FUT9: variants seen among roughly 807,000 people sequenced by gnomAD.
FUT9 encodes the protein fucosyltransferase 9.
FUT9 carries 15 observed loss-of-function variants against 29.7 expected under a neutral mutation model. The ratio of observed to expected loss-of-function variants is 0.51; its 90% CI spans 0.34 to 0.78. The LOEUF (loss-of-function observed/expected upper bound fraction) is 0.78, where lower values mean the gene tolerates loss of function less well. Among genes scored for constraint, FUT9 ranks in the 30% least tolerant of loss-of-function variants. The probability of loss-of-function intolerance (pLI) is 0.01; values close to 1 mark genes in which losing one functional copy is unlikely to be tolerated. For synonymous variants in FUT9, 169 were observed against 153.7 expected (o/e 1.10, Z -0.74); for missense variants, 319 against 425.4 (o/e 0.75, Z 2.20).
intron 2 of FUT9, among the ~76,000 whole-genome samples, chr6:96,176,979 T>G (rs1773215985): frequency 1.3e-5 from 2 of 152,110 alleles, no homozygotes; most frequent in African/African-American, 4.8e-5. Context: ...CCACCCATAC[T>G]ATACATAAAA....
At chr6:96,203,005 G>T (rs1003558960) in intron 2 of FUT9, 143 bp from the exon 3 acceptor site, 10 of 630,222 alleles carry the variant, frequency 1.6e-5, no homozygotes, top group Admixed American at 7.7e-5. Context: ...TCTCTCAATG[G>T]TTTGATAACA....
At chr6:96,193,627 T>C (rs1713272535) in intron 2 of FUT9, among the ~76,000 whole-genome samples, 1 of 152,012 alleles carries the variant, frequency 6.6e-6, no homozygotes, top group African/African-American at 2.4e-5. Flanking sequence ...AGTTCAACCG[T>C]TGTGGAAGAC....
At chr6:96,119,133 G>T (rs539837079) in intron 2 of FUT9, among the ~76,000 whole-genome samples, 6 of 152,104 alleles carry the variant, frequency 3.9e-5, no homozygotes, top group African/African-American at 1.4e-4. Flanking sequence ...AAAGTCTACC[G>T]TAGTGTACAG....
At chr6:96,197,447 T>C (rs1439099205) in intron 2 of FUT9, among the ~76,000 whole-genome samples, 1 of 144,228 alleles carries the variant, frequency 6.9e-6, no homozygotes, top group Non-Finnish European at 1.5e-5. Flanking sequence ...ATGCCAAAAG[T>C]AAATGGCATT....
chr6:96,028,729 CAACTAGGAG>C (rs1444603960), intron 1 of FUT9, among the ~76,000 whole-genome samples: 1 of 151,442 alleles, frequency 6.6e-6, no homozygotes, highest in Non-Finnish European at 1.5e-5. Flanking sequence ...CGATAATCAG[CAACTAGGAG>C]AACTTTGGAA....
chr6:96,176,383 C>A (rs1241274106), intron 2 of FUT9, among the ~76,000 whole-genome samples: 1 of 151,382 alleles, frequency 6.6e-6, no homozygotes. Context: ...TTATATATAT[C>A]CTATTGGTTC....
Position 96,204,479 on chromosome 6 carries a change from T to G in FUT9, c.*244T>G, listed in dbSNP as rs192681787. On this transcript the variant is annotated 3_prime_UTR_variant, in exon 3 of 3. Transcript: ENST00000302103. ...CTGGAGAGTAATTTATTCTTCATTA[T>G]CATTTGTAAACATTGTTTTTTCACA... is the stretch of plus-strand genomic sequence containing the variant. The G allele has an allele frequency of 4.2e-4, 123 of 290,956 alleles. No homozygotes were observed. The highest frequency in any genetic ancestry group is 2.3e-3 in the African/African-American group (107 of 45,974). 18.0% of individuals were successfully genotyped at this position (290,956 alleles called of 1,614,324 possible).
At chr6:96,021,863 AG>A (rs142065110) in intron 1 of FUT9, among the ~76,000 whole-genome samples, 9,561 of 152,100 alleles carry the variant, frequency 0.063, 981 homozygotes, top group African/African-American at 0.22. Flanking sequence ...CAGCTTCTGA[AG>A]GTACCTGAAT....
chr6:96,071,318 G>C (rs139653201), intron 1 of FUT9, among the ~76,000 whole-genome samples: 3,321 of 152,288 alleles, frequency 0.022, 48 homozygotes, highest in Non-Finnish European at 0.029. Flanking sequence ...ATTTACCTCA[G>C]ATAGGATTTG....
intron 1 of FUT9, among the ~76,000 whole-genome samples, chr6:96,072,673 CT>C (rs370778924): frequency 5.9e-5 from 9 of 152,016 alleles, no homozygotes; most frequent in African/African-American, 1.7e-4. Context: ...AAAAAGGCAA[CT>C]TTTTTTTCTA....
chr6:96,181,811 C>G lies in FUT9; in HGVS notation c.-8-21337C>G, dbSNP rs996327978. 5.9e-5 allele frequency among the ~76,000 whole-genome samples: 9 copies of G among 152,070 alleles called. No homozygotes were observed. In the East Asian group the frequency reaches 1.7e-3, roughly 29 times the overall value. ...CCACCGTATATATAACCCACAGTTT[C>G]TTTATCCACTCCTTGATTGATGGGC... On this transcript the variant is annotated intron_variant, in intron 2 of 2. Coordinates refer to ENST00000302103, the MANE Select transcript of FUT9 (RefSeq NM_006581.4).
intron 2 of FUT9, among the ~76,000 whole-genome samples, chr6:96,198,914 T>C (rs1172206845): frequency 2.0e-5 from 3 of 152,146 alleles, no homozygotes; most frequent in Non-Finnish European, 4.4e-5. Context: ...CATAAATGTC[T>C]TCTTTTGAGA....
chr6:96,023,269 A>G (rs957211851), intron 1 of FUT9, among the ~76,000 whole-genome samples: 1 of 151,986 alleles, frequency 6.6e-6, no homozygotes, highest in Non-Finnish European at 1.5e-5. Flanking sequence ...CTGCTCATTT[A>G]GTCCCAAGAA....
chr6:96,201,845 C>T (rs1327213963), intron 2 of FUT9, among the ~76,000 whole-genome samples: 1 of 150,612 alleles, frequency 6.6e-6, no homozygotes, highest in African/African-American at 2.4e-5. Flanking sequence ...AATGCAGTGT[C>T]CAAAATCTTT....
At chr6:96,183,079 T>C (rs749248037) in intron 2 of FUT9, among the ~76,000 whole-genome samples, 2 of 152,148 alleles carry the variant, frequency 1.3e-5, no homozygotes, top group Admixed American at 1.3e-4. Context: ...GAGCACGGGA[T>C]GTGTTTCCAT....
At chr6:96,158,300 TC>T (rs2127978981) in intron 2 of FUT9, among the ~76,000 whole-genome samples, 1 of 152,206 alleles carries the variant, frequency 6.6e-6, no homozygotes, top group Admixed American at 6.5e-5. Context: ...ACAAGGATTT[TC>T]CCCACTGTGC....
At chr6:96,046,909 A>C (rs1489001912) in intron 1 of FUT9, among the ~76,000 whole-genome samples, 4 of 152,204 alleles carry the variant, frequency 2.6e-5, no homozygotes, top group Non-Finnish European at 5.9e-5. Context: ...ACAGAAATTA[A>C]TCATGTATTT....
At chr6:96,202,204 AAC>A (rs1323898534) in intron 2 of FUT9, among the ~76,000 whole-genome samples, 1 of 152,080 alleles carries the variant, frequency 6.6e-6, no homozygotes, top group Non-Finnish European at 1.5e-5. Context: ...AAAACTTGAA[AAC>A]ACTTTTTTCT....
At chr6:96,108,699 A>G (rs1771740617) in intron 1 of FUT9, among the ~76,000 whole-genome samples, 1 of 152,288 alleles carries the variant, frequency 6.6e-6, no homozygotes, top group African/African-American at 2.4e-5. Flanking sequence ...TGTTATGCTT[A>G]TCTTTGCTCA....
Sources: allele counts gnomAD v4.1 joint callset (sites outside exome capture counted in the v4.1 genomes callset), GRCh38; gene constraint gnomAD v4.1.1; transcripts MANE v1.5; gene names NCBI Gene and HGNC (gene_info 2026-07-23, HGNC 2026-07-21).